MLH3: variants seen among roughly 807,000 people sequenced by gnomAD.
The protein encoded by MLH3 is DNA mismatch repair protein Mlh3.
In MLH3, 82 loss-of-function variants were observed where a neutral mutation model predicts 122.2. The ratio of observed to expected loss-of-function variants is 0.67; its 90% confidence interval spans 0.56 to 0.81. MLH3 has a LOEUF of 0.81. MLH3 is among the 30% of genes least tolerant of loss of function. MLH3 has a pLI of 0.00. For missense variants in MLH3, 1,539 were observed against 1,714.5 expected (o/e 0.90, Z 1.81); for synonymous variants, 524 against 599.5 (o/e 0.87, Z 1.84).
chr14:75,038,380 G>A lies in MLH3; in HGVS notation c.3603C>T (p.Ala1201=), dbSNP rs187392462. 1.9e-6 allele frequency: 3 copies of A among 1,613,720 alleles called. No homozygotes were observed. The highest frequency in any genetic ancestry group is 3.3e-5 in the Admixed American group (2 of 60,010). ...CTTCAGTCTTAGTGCTCATCAAACA[G>A]GCAATAAACTTGTTATCTACTTGCT... ...VLQQVDNKFI[A]CLMSTKTEEN... Residue 1201 remains alanine, a synonymous_variant, in exon 6 of 13, where the codon GCC becomes GCT. Coordinates refer to ENST00000355774, the MANE Select transcript of MLH3 (RefSeq NM_001040108.2).
At chr14:75,028,175 C>T (rs894331409) in intron 9 of MLH3, among the ~76,000 whole-genome samples, 1 of 151,998 alleles carries the variant, frequency 6.6e-6, no homozygotes, top group Non-Finnish European at 1.5e-5. Flanking sequence ...CCTCCAATGC[C>T]ACAGCCCAGC....
intron 5 of MLH3, 28 bp downstream of exon 5, chr14:75,039,883 T>TATATATATATATATA (rs34231080): frequency 4.4e-5 from 23 of 524,506 alleles, no homozygotes; most frequent in Admixed American, 8.2e-5. Flanking sequence ...ATATATATAT[T>TATATATATATATATA]TATGAGATTT....
rs747325097 is a variant in MLH3, at chr14:75,047,453, C to A, written c.2203G>T (p.Gly735Cys). Residue 735 changes from glycine (G) to cysteine (C), a missense_variant, in exon 2 of 13, where the codon GGT becomes TGT. Physicochemically the swap from Gly to Cys is radical, Grantham distance 159 (BLOSUM62 -3). Coordinates refer to ENST00000355774, the MANE Select transcript of MLH3 (RefSeq NM_001040108.2). ...NDSRKTDKLI[G>C]FSKPIVRKKL... ...TTACGGACGATTGGTTTGGAGAAAC[C>A]AATTAATTTATCTGTTTTCCTACTA... The A allele has an allele frequency of 6.2e-7, 1 of 1,614,054 alleles. No individual in the cohort carries two copies. The highest frequency in any genetic ancestry group is 1.1e-5 in the South Asian group (1 of 91,074).
intron 3 of MLH3, among the ~76,000 whole-genome samples, chr14:75,042,158 T>C: frequency 6.6e-6 from 1 of 152,256 alleles, no homozygotes; most frequent in Admixed American, 6.5e-5. Context: ...CCACAGACTA[T>C]GCATAATCAG....
At chr14:75,043,916 C>A (rs1200911233) in intron 2 of MLH3, among the ~76,000 whole-genome samples, 1 of 152,118 alleles carries the variant, frequency 6.6e-6, no homozygotes, top group Non-Finnish European at 1.5e-5. Context: ...ATGGAGAAAT[C>A]CCGTCTCTAC....
In MLH3 at chr14:75,048,231, T is replaced by A. The variant is rs996389456; in HGVS notation, c.1425A>T (p.Thr475=). The A allele has an allele frequency of 1.2e-6, 2 of 1,613,720 alleles. No individual in the cohort carries two copies. Among genetic ancestry groups the A allele is most frequent in the African/African-American group, 2.7e-5 (2 of 74,910 alleles). Residue 475 remains threonine, a synonymous_variant, in exon 2 of 13, where the codon ACA becomes ACT. Coordinates refer to ENST00000355774, the MANE Select transcript of MLH3 (RefSeq NM_001040108.2). ...CSESKMLEQE[T]IVASEAGENE... ...TTTCTCCAGCTTCTGATGCTACAAT[T>A]GTCTCTTGTTCTAACATCTTTGATT...
chr14:75,047,501 A>AG lies in MLH3; in HGVS notation c.2154dup (p.Trp719LeufsTer3), dbSNP rs1471218532. ...CTATCATTGGAAACGTGTCTATACC[A>AG]GGGGAAAGAGGGGGATGTATCAGAT... On this transcript the variant is annotated frameshift_variant, in exon 2 of 13. Coordinates refer to ENST00000355774, the MANE Select transcript of MLH3 (RefSeq NM_001040108.2). LOFTEE classifies it high-confidence loss of function. 4.3e-6 allele frequency: 7 copies of AG among 1,614,120 alleles called. No homozygotes were observed. Among genetic ancestry groups the AG allele is most frequent in the Non-Finnish European group, 5.9e-6 (7 of 1,180,004 alleles).
Position 75,022,906 on chromosome 14 carries a change from A to G in MLH3, c.4012-14T>C. On this transcript the variant is annotated splice_polypyrimidine_tract_variant and intron_variant, in intron 10 of 12. Coordinates refer to ENST00000355774, the MANE Select transcript of MLH3 (RefSeq NM_001040108.2). ...GGTCTGGAGTAGCTAATGCATAAAC[A>G]CGTTATTAACAGGAAAAGAAAACGG... 6.2e-7 allele frequency: 1 copy of G among 1,613,980 alleles called. No homozygotes were observed. Among genetic ancestry groups the G allele is most frequent in the Non-Finnish European group, 8.5e-7 (1 of 1,179,896 alleles).
Position 75,017,217 on chromosome 14 carries a change from A to G in MLH3, c.4243-16T>C. ...TGGGTTTAATCTATGGGAAGAAAGA[A>G]TAACTTCAATTAGCAATATGAAAAG... On this transcript the variant is annotated splice_polypyrimidine_tract_variant and intron_variant, in intron 12 of 12. Coordinates refer to ENST00000355774, the MANE Select transcript of MLH3 (RefSeq NM_001040108.2). The G allele has an allele frequency of 6.2e-7, 1 of 1,612,786 alleles. No individual in the cohort carries two copies. Among genetic ancestry groups the G allele is most frequent in the Non-Finnish European group, 8.5e-7 (1 of 1,179,090 alleles).
intron 11 of MLH3, 42 bp from the exon 12 acceptor site, chr14:75,019,022 T>C (rs760959338): frequency 2.5e-6 from 4 of 1,584,982 alleles, no homozygotes; most frequent in Admixed American, 1.7e-5. Context: ...GTGTATATAG[T>C]GGGAAACCAA....
Position 75,039,846 on chromosome 14 carries a change from CATATATAT to C in MLH3, c.3570+57_3570+64del, listed in dbSNP as rs145063005. The C allele has an allele frequency of 2.1e-3, 669 of 322,174 alleles. 10 individuals carry two copies. Among genetic ancestry groups the C allele is most frequent in the African/African-American group, 0.018 (508 of 28,248 alleles). The allele number at this position is 322,174 out of a possible 1,614,324, so 20.0% of individuals were successfully genotyped here. ...AAATCAAATTTTAGAAGAGTTAGGC[CATATATAT>C]ATATATATATATATATATATATATA... On this transcript the variant is annotated intron_variant, in intron 5 of 12. Coordinates refer to ENST00000355774, the MANE Select transcript of MLH3 (RefSeq NM_001040108.2).
intron 6 of MLH3, among the ~76,000 whole-genome samples, chr14:75,034,322 T>C (rs1891246407): frequency 6.6e-6 from 1 of 152,214 alleles, no homozygotes; most frequent in Admixed American, 6.5e-5. Flanking sequence ...AAACAACACA[T>C]TGTTATAATC....
intron 6 of MLH3, among the ~76,000 whole-genome samples, chr14:75,036,238 T>C (rs570633038): frequency 1.3e-5 from 2 of 152,324 alleles, no homozygotes; most frequent in South Asian, 4.1e-4. Context: ...AACATTTATA[T>C]CCAGGGTTTC....
chr14:75,030,570 T>C lies in MLH3; in HGVS notation c.3960A>G (p.Arg1320=). 1.2e-6 allele frequency: 2 copies of C among 1,614,166 alleles called. No homozygotes were observed. Among genetic ancestry groups the C allele is most frequent in the Non-Finnish European group, 1.7e-6 (2 of 1,180,022 alleles). ...CCACAATACTCTTGGTCACAGTAGATCTTCCTCTCCGAAGTTCATTGGCTT... is the reference window on the plus strand; with the variant it reads ...CCACAATACTCTTGGTCACAGTAGACCTTCCTCTCCGAAGTTCATTGGCTT... ...EREANELRRG[R]STVTKSIVEE... Residue 1320 remains arginine (R), a synonymous_variant, in exon 9 of 13, where the codon AGA becomes AGG. Coordinates refer to ENST00000355774, the MANE Select transcript of MLH3 (RefSeq NM_001040108.2).
At chr14:75,027,688 A>AAAAAAAAAAAC (rs1566580542) in intron 9 of MLH3, among the ~76,000 whole-genome samples, 12 of 134,558 alleles carry the variant, frequency 8.9e-5, no homozygotes, top group African/African-American at 1.9e-4. Flanking sequence ...AAAAAAAAAA[A>AAAAAAAAAAAC]AAAAAACCCA....
In MLH3 at chr14:75,023,722, G is replaced by GA. The variant is rs980975419; in HGVS notation, c.3988-705dup. 5.3e-5 allele frequency among the ~76,000 whole-genome samples: 8 copies of GA among 151,940 alleles called. 1 individual carries two copies. The highest frequency in any genetic ancestry group is 4.6e-4 in the Admixed American group (7 of 15,276). The stretch of plus-strand genomic sequence containing the variant: ...TTTGTTTAACCTCTGGAGGTAAAAA[G>GA]AAAAAAACCTGTTGCACATTTAATG... On this transcript the variant is annotated intron_variant, in intron 9 of 12. Transcript: ENST00000355774.
At position 75,049,463 on chromosome 14, in the gene MLH3, C is replaced by T; in HGVS notation, c.193G>A (p.Asp65Asn). ...IDNGFGMGSD[D>N]VEKVGNRYFT... ...TAACGATTTCCCACTTTCTCTACAT[C>T]ATCACTCCCCATCCCAAATCCATTG... The change falls in exon 2 of 13, where the codon GAT becomes AAT. Residue 65 changes from aspartate to asparagine, a missense_variant. Transcript: ENST00000355774. 1 of 1,614,126 alleles carries T rather than the reference C, an allele frequency of 6.2e-7. No homozygotes were observed. The highest frequency in any genetic ancestry group is 1.3e-5 in the African/African-American group (1 of 75,040).
intron 11 of MLH3, among the ~76,000 whole-genome samples, chr14:75,022,593 T>C (rs1399385699): frequency 1.3e-5 from 2 of 152,224 alleles, no homozygotes; most frequent in East Asian, 3.8e-4. Flanking sequence ...GAGTTATTCC[T>C]CCACTCATAT....
intron 7 of MLH3, among the ~76,000 whole-genome samples, chr14:75,032,706 T>C (rs1891131748): frequency 6.6e-6 from 1 of 151,480 alleles, no homozygotes; most frequent in South Asian, 2.1e-4. Context: ...GCCATTCTAG[T>C]CCATGAAGCA....
Sources: gnomAD v4.1 joint callset for allele counts (sites outside exome capture counted in the v4.1 genomes callset) on GRCh38, gnomAD v4.1.1 for gene constraint, MANE v1.5 for transcripts, NCBI Gene and HGNC (gene_info 2026-07-23, HGNC 2026-07-21) for gene names.